Variants in HBS1L observed in about 807,000 individuals in gnomAD.
The protein encoded by HBS1L is HBS1-like protein.
HBS1L carries 55 observed loss-of-function variants against 88.9 expected under a neutral mutation model. The ratio of observed to expected loss-of-function variants is 0.62; its 90% CI spans 0.50 to 0.77. HBS1L has a LOEUF of 0.77. HBS1L is among the 30% of genes least tolerant of loss of function. The probability of loss-of-function intolerance (pLI) is 0.00; values close to 1 mark genes in which losing one functional copy is unlikely to be tolerated. For missense variants in HBS1L, 741 were observed against 829.3 expected, an observed-to-expected ratio of 0.89 and a Z score of 1.31; for synonymous variants, 267 against 288.5, an observed-to-expected ratio of 0.93 and a Z score of 0.76.
At chr6:135,048,825 G>A (rs534837732) in intron 2 of HBS1L, among the ~76,000 whole-genome samples, 38 of 152,300 alleles carry the variant, frequency 2.5e-4, no homozygotes, top group Middle Eastern at 6.8e-3. Context: ...CCATGATTAA[G>A]CTAAATGAGA....
intron 1 of HBS1L, among the ~76,000 whole-genome samples, chr6:135,053,725 T>C (rs898681022): frequency 3.3e-5 from 5 of 152,242 alleles, no homozygotes; most frequent in Admixed American, 3.3e-4. Flanking sequence ...TATTAAGCAC[T>C]ACATGTTCTG....
rs1774221183 is a variant in HBS1L, at chr6:134,963,037, C to T, written c.*2242G>A. The T allele has an allele frequency of 6.6e-6, 1 of 152,184 alleles. No homozygotes were observed. The highest frequency in any genetic ancestry group is 2.4e-5 in the African/African-American group (1 of 41,442). The allele number at this position is 152,184 out of a possible 1,614,324, so 9.4% of individuals were successfully genotyped here. On this transcript the variant is annotated 3_prime_UTR_variant, in exon 18 of 18. Transcript: ENST00000367837. ...TGAATAAATGCATTCATTTCTACTA[C>T]TATTTGTTTATGCTAAACTGTAAAC...
chr6:134,984,070 C>T (rs576787135), intron 12 of HBS1L, among the ~76,000 whole-genome samples: 29 of 152,190 alleles, frequency 1.9e-4, no homozygotes, highest in Non-Finnish European at 3.1e-4. Flanking sequence ...GCAGCGTAGG[C>T]GGAAGCCAGG....
chr6:135,034,519 C>T lies in HBS1L; in HGVS notation c.430+5054G>A, dbSNP rs189636320. ...ATTAGCCAGGTGTGGTGACACGCAC[C>T]TGTAATCCCAGCTACTCGGGGGGCT... On this transcript the variant is annotated intron_variant, in intron 4 of 17. Coordinates refer to ENST00000367837, the MANE Select transcript of HBS1L (RefSeq NM_006620.4). 2.0e-3 allele frequency among the ~76,000 whole-genome samples: 307 copies of T among 152,240 alleles called. 1 individual carries two copies. Among genetic ancestry groups the T allele is most frequent in the African/African-American group, 7.3e-3 (303 of 41,560 alleles).
rs751994642 is a variant in HBS1L, at chr6:134,966,309, G to A, written c.2043+20C>T. 2.6e-5 allele frequency: 41 copies of A among 1,597,100 alleles called. No homozygotes were observed. In the South Asian group the frequency reaches 4.0e-4, roughly 16 times the overall value. ...CATCATAACTATGGATATATAATGA[G>A]TCACTTTAAAATAAAATACCTCAGT... On this transcript the variant is annotated intron_variant, in intron 17 of 17. Coordinates refer to ENST00000367837, the MANE Select transcript of HBS1L (RefSeq NM_006620.4).
intron 4 of HBS1L, among the ~76,000 whole-genome samples, chr6:135,004,973 C>T (rs968894417): frequency 7.9e-5 from 12 of 152,080 alleles, no homozygotes; most frequent in African/African-American, 2.2e-4. Flanking sequence ...AATACACCTA[C>T]AAAAAGGTGA....
At position 134,970,433 on chromosome 6, in the gene HBS1L, TG is replaced by T. The variant is rs1278457089; in HGVS notation, c.1798-1096del. 2.6e-5 allele frequency among the ~76,000 whole-genome samples: 4 copies of T among 152,154 alleles called. No individual in the cohort carries two copies. The East Asian group carries it at 7.7e-4, about 29-fold the overall frequency. ...CAGGCATGACCCATTGTGCCTGGCC[TG>T]GGGCAATTTCTTTAACAATCTTCCA... On this transcript the variant is annotated intron_variant, in intron 15 of 17. Transcript: ENST00000367837.
At chr6:135,009,872 C>T (rs990985151) in intron 4 of HBS1L, among the ~76,000 whole-genome samples, 8 of 151,862 alleles carry the variant, frequency 5.3e-5, no homozygotes, top group East Asian at 3.9e-4. Context: ...CCTCGTGATC[C>T]GCCCGCCTCG....
In HBS1L at chr6:135,042,093, G is replaced by A; in HGVS notation, c.143C>T (p.Pro48Leu). 6.2e-7 allele frequency: 1 copy of A among 1,613,032 alleles called. No homozygotes were observed. Among genetic ancestry groups the A allele is most frequent in the Non-Finnish European group, 8.5e-7 (1 of 1,179,410 alleles). Residue 48 changes from proline to leucine, a missense_variant, in exon 3 of 18, where the codon CCT becomes CTT. Around this residue, in one of 3 missense-constraint regions of HBS1L, gnomAD observed 556 missense variants for 598.4 expected, o/e 0.93. Coordinates refer to ENST00000367837, the MANE Select transcript of HBS1L (RefSeq NM_006620.4). ...AQFIYSRRDK[P>L]SVEPVEEYDY... The stretch of plus-strand genomic sequence containing the variant: ...ATATTCTTCCACAGGCTCAACGGAA[G>A]GTTTGTCACGCCGTGAATAAATAAA...
chr6:135,002,568 A>C, intron 5 of HBS1L, 166 bp downstream of exon 5: 1 of 479,042 alleles, frequency 2.1e-6, no homozygotes, highest in Non-Finnish European at 3.8e-6. Flanking sequence ...ATCAAGCCTA[A>C]TTTCTCATTT....
At chr6:135,030,578 G>A (rs1191509586) in intron 4 of HBS1L, among the ~76,000 whole-genome samples, 1 of 152,050 alleles carries the variant, frequency 6.6e-6, no homozygotes, top group Non-Finnish European at 1.5e-5. Context: ...AACTTATTCT[G>A]GCCGAAATAA....
At chr6:135,036,779 G>A in intron 4 of HBS1L, 1 of 1,551,684 alleles carries the variant, frequency 6.4e-7, no homozygotes, top group Non-Finnish European at 8.7e-7. Flanking sequence ...AAAGCTGAAG[G>A]TCTAGCAGCA....
chr6:135,036,719 T>C (rs796214270), intron 4 of HBS1L: 3 of 1,550,970 alleles, frequency 1.9e-6, no homozygotes, highest in Non-Finnish European at 2.6e-6. Context: ...AGGTCAAGGG[T>C]GCGTCGCTTG....
chr6:134,971,148 A>G (rs1455115341), intron 15 of HBS1L, among the ~76,000 whole-genome samples: 1 of 152,032 alleles, frequency 6.6e-6, no homozygotes, highest in African/African-American at 2.4e-5. Context: ...TACTCCAAAA[A>G]GACAAAAGTG....
chr6:135,024,693 T>G (rs1776177247), intron 4 of HBS1L, among the ~76,000 whole-genome samples: 1 of 151,724 alleles, frequency 6.6e-6, no homozygotes. Flanking sequence ...AAATAACATT[T>G]TAAGGTTATA....
At chr6:134,970,005 G>A (rs1205492624) in intron 15 of HBS1L, among the ~76,000 whole-genome samples, 1 of 152,164 alleles carries the variant, frequency 6.6e-6, no homozygotes, top group Admixed American at 6.5e-5. Flanking sequence ...ACTATACTGG[G>A]TACAAACATT....
chr6:135,014,873 A>C (rs1177061966), intron 4 of HBS1L, among the ~76,000 whole-genome samples: 2 of 138,632 alleles, frequency 1.4e-5, no homozygotes, highest in East Asian at 2.1e-4. Context: ...AAAAAAAAAA[A>C]ACCACAAAAA....
At chr6:134,989,960 C>T (rs1480542246) in intron 8 of HBS1L, among the ~76,000 whole-genome samples, 1 of 152,172 alleles carries the variant, frequency 6.6e-6, no homozygotes, top group African/African-American at 2.4e-5. Context: ...AACTTACTTA[C>T]TTCACAGAAA....
chr6:135,034,497 A>G (rs1363361294), intron 4 of HBS1L, among the ~76,000 whole-genome samples: 1 of 152,144 alleles, frequency 6.6e-6, no homozygotes, highest in East Asian at 1.9e-4. Context: ...TACAAAAATT[A>G]GCCAGGTGTG....
Sources: gnomAD v4.1 joint callset for allele counts (sites outside exome capture counted in the v4.1 genomes callset) on GRCh38, gnomAD v4.1.1 for gene constraint, gnomAD v4.1.1 regional missense constraint, MANE v1.5 for transcripts, NCBI Gene and HGNC (gene_info 2026-07-23, HGNC 2026-07-21) for gene names.